RNF34: variants seen among roughly 807,000 people sequenced by gnomAD.
RNF34 encodes E3 ubiquitin-protein ligase RNF34.
In RNF34, 12 loss-of-function variants were observed where a neutral mutation model predicts 37.9. The ratio of observed to expected loss-of-function variants is 0.32; its 90% CI spans 0.20 to 0.51. The LOEUF is 0.51. Among genes scored for constraint, RNF34 ranks in the 20% least tolerant of loss-of-function variants. The pLI is 0.97. For missense variants in RNF34, 362 were observed against 472.7 expected (o/e 0.77, Z 2.17); for synonymous variants, 155 against 177.2 (o/e 0.87, Z 1.00).
In RNF34 at chr12:121,417,813, T is replaced by G; in HGVS notation, c.535T>G (p.Phe179Val). The G allele has an allele frequency of 6.2e-7, 1 of 1,614,142 alleles. No individual in the cohort carries two copies. Among genetic ancestry groups the G allele is most frequent in the Non-Finnish European group, 8.5e-7 (1 of 1,180,038 alleles). The change falls in exon 3 of 6, where the codon TTT becomes GTT. Residue 179 changes from phenylalanine to valine, a missense_variant. Phe to Val is a conservative substitution (Grantham distance 50, BLOSUM62 -1). Coordinates refer to ENST00000361234, the MANE Select transcript of RNF34 (RefSeq NM_025126.4). This position sits in a 1 kb window ranked among gnomAD's most constrained non-coding sequence, Gnocchi z 5.0. ...SQTSSFFTRS[F>V]FSNYTAPSAT... is the part of the protein sequence containing the mutation. ...GACTTCTAGCTTTTTTACACGTTCG[T>G]TTTTTTCAAACTATACAGCCCCCTC...
At chr12:121,403,193 G>A (rs1870162224) in intron 1 of RNF34, among the ~76,000 whole-genome samples, 1 of 152,086 alleles carries the variant, frequency 6.6e-6, no homozygotes, top group Non-Finnish European at 1.5e-5. Flanking sequence ...TCAGGAGGTT[G>A]AGACCATCCT....
At chr12:121,416,887 T>C (rs1161634337) in intron 2 of RNF34, among the ~76,000 whole-genome samples, 2 of 152,228 alleles carry the variant, frequency 1.3e-5, no homozygotes, top group African/African-American at 4.8e-5. Context: ...CTTTGATCTT[T>C]AGTTTAGTCT....
At position 121,424,265 on chromosome 12, in the gene RNF34, A is replaced by G. The variant is rs781837530; in HGVS notation, c.*689A>G. On this transcript the variant is annotated 3_prime_UTR_variant, in exon 6 of 6. Coordinates refer to ENST00000361234, the MANE Select transcript of RNF34 (RefSeq NM_025126.4). Reference sequence around the variant, plus strand: ...TTCCTTATTAATGTGTAATCAGTTTACATTGTTTTGTATAGTGAAGGTGTA... The same window carrying G: ...TTCCTTATTAATGTGTAATCAGTTTGCATTGTTTTGTATAGTGAAGGTGTA... 1 of 152,694 alleles carries G rather than the reference A, an allele frequency of 6.5e-6. No homozygotes were observed. Among genetic ancestry groups the G allele is most frequent in the Non-Finnish European group, 1.5e-5 (1 of 68,050 alleles). 9.5% of individuals were successfully genotyped at this position (152,694 alleles called of 1,614,324 possible).
chr12:121,408,141 A>T (rs941001976), intron 1 of RNF34, among the ~76,000 whole-genome samples: 9 of 152,096 alleles, frequency 5.9e-5, no homozygotes, highest in Non-Finnish European at 8.8e-5. Context: ...CCCCGTCTCT[A>T]AAAAAATAAA....
chr12:121,420,574 C>G lies in RNF34; in HGVS notation c.727-3C>G. 2 of 1,614,014 alleles carry G rather than the reference C, an allele frequency of 1.2e-6. No homozygotes were observed. The highest frequency in any genetic ancestry group is 1.7e-6 in the Non-Finnish European group (2 of 1,179,938). On this transcript the variant is annotated splice_polypyrimidine_tract_variant and splice_region_variant and intron_variant, in intron 4 of 5. Transcript: ENST00000361234. ...AGGGCTAATGGATGCTCTGTGGTTT[C>G]AGAACCCCGGGCTCTCCAAGGAGAG...
At chr12:121,403,628 C>T (rs1455678241) in intron 1 of RNF34, among the ~76,000 whole-genome samples, 4 of 152,042 alleles carry the variant, frequency 2.6e-5, no homozygotes, top group Non-Finnish European at 5.9e-5. Flanking sequence ...TTGAAACAAA[C>T]CCTGGACATA....
rs782679258 is a variant in RNF34 at position 121,423,492 on chromosome 12, C to G, written c.1035C>G (p.Thr345=). 6.2e-7 allele frequency: 1 copy of G among 1,614,128 alleles called. No individual in the cohort carries two copies. Among genetic ancestry groups the G allele is most frequent in the Non-Finnish European group, 8.5e-7 (1 of 1,179,964 alleles). Residue 345 remains threonine, a synonymous_variant, in exon 6 of 6, where the codon ACC becomes ACG. Transcript: ENST00000361234. This position sits in a 1 kb window ranked among gnomAD's most constrained non-coding sequence, Gnocchi z 4.3. The stretch of plus-strand genomic sequence containing the variant: ...TACTGGAGTGTGGGCACATGGTTAC[C>G]TGCACCAAGTGCGGCAAGCGCATGA... ...CVLLECGHMV[T]CTKCGKRMSE... is the part of the protein sequence containing the mutation.
chr12:121,420,636 T>C lies in RNF34; in HGVS notation c.786T>C (p.Asp262=). The change falls in exon 5 of 6, where the codon GAT becomes GAC. Residue 262 remains aspartate, a synonymous_variant. Transcript: ENST00000361234. Reference sequence around the variant, plus strand: ...CACTGTCTGACTTGTCAAGCCTTGATGATGTGGAAGGAATGAGCGTGCGCC... The same window carrying C: ...CACTGTCTGACTTGTCAAGCCTTGACGATGTGGAAGGAATGAGCGTGCGCC... ...RASLSDLSSL[D]DVEGMSVRQL... is the part of the protein sequence containing the mutation. 1 of 1,614,072 alleles carries C rather than the reference T, an allele frequency of 6.2e-7. No individual in the cohort carries two copies. The highest frequency in any genetic ancestry group is 8.5e-7 in the Non-Finnish European group (1 of 1,179,994).
At chr12:121,413,020 AT>A (rs77507303) in intron 1 of RNF34, among the ~76,000 whole-genome samples, 28,368 of 133,728 alleles carry the variant, frequency 0.21, 4,133 homozygotes, top group African/African-American at 0.44. Flanking sequence ...TGCCCAGGCT[AT>A]TTTTTTTTTC....
At chr12:121,404,450 G>A (rs1029239062) in intron 1 of RNF34, among the ~76,000 whole-genome samples, 7 of 128,882 alleles carry the variant, frequency 5.4e-5, no homozygotes, top group South Asian at 2.6e-4. Flanking sequence ...GCTGGAGTGC[G>A]GTGGCACCAT....
chr12:121,420,526 G>C (rs1555283124), intron 4 of RNF34, 51 bp from the exon 5 acceptor site: 1 of 1,593,450 alleles, frequency 6.3e-7, no homozygotes, highest in African/African-American at 1.3e-5. Flanking sequence ...TTTAGAGTGG[G>C]GAGGGTCTGG....
intron 1 of RNF34, among the ~76,000 whole-genome samples, chr12:121,410,490 T>C (rs576056549): frequency 8.0e-4 from 121 of 151,336 alleles, no homozygotes; most frequent in African/African-American, 2.8e-3. Context: ...TGAGCCGAGA[T>C]TGCGCCACTG....
intron 5 of RNF34, among the ~76,000 whole-genome samples, chr12:121,422,468 C>A (rs782023464): frequency 6.6e-6 from 1 of 152,260 alleles, no homozygotes; most frequent in African/African-American, 2.4e-5. Context: ...ATTGGCATAT[C>A]TGCCATCTCA....
chr12:121,407,552 A>G (rs1470646476), intron 1 of RNF34, among the ~76,000 whole-genome samples: 6 of 152,400 alleles, frequency 3.9e-5, no homozygotes, highest in South Asian at 2.1e-4. Context: ...CCCAAGGGCT[A>G]CGCCTAGTAT....
At chr12:121,413,338 C>T (rs530170124) in intron 1 of RNF34, among the ~76,000 whole-genome samples, 1 of 151,848 alleles carries the variant, frequency 6.6e-6, no homozygotes, top group Non-Finnish European at 1.5e-5. Flanking sequence ...GATTTTCATG[C>T]TTTTAAGCAC....
At chr12:121,412,230 CTTTTTT>C (rs560473770) in intron 1 of RNF34, among the ~76,000 whole-genome samples, 4 of 49,610 alleles carry the variant, frequency 8.1e-5, no homozygotes, top group Non-Finnish European at 1.5e-4. Context: ...CCCAACTAAT[CTTTTTT>C]TTTTTTTTTT....
intron 1 of RNF34, among the ~76,000 whole-genome samples, chr12:121,403,162 C>T (rs1028267405): frequency 6.6e-6 from 1 of 151,928 alleles, no homozygotes; most frequent in Non-Finnish European, 1.5e-5. Context: ...TTTGGGAGGC[C>T]GAGGCAGGCA....
chr12:121,412,230 C>CTTTTTT (rs560473770), intron 1 of RNF34, among the ~76,000 whole-genome samples: 1 of 49,610 alleles, frequency 2.0e-5, no homozygotes, highest in Non-Finnish European at 3.7e-5. Flanking sequence ...CCCAACTAAT[C>CTTTTTT]TTTTTTTTTT....
intron 5 of RNF34, among the ~76,000 whole-genome samples, chr12:121,422,420 C>T (rs1291028469): frequency 2.0e-5 from 3 of 152,196 alleles, no homozygotes; most frequent in Non-Finnish European, 4.4e-5. Flanking sequence ...GACCAAGGCC[C>T]ACTCTGATTT....
Sources: allele counts gnomAD v4.1 joint callset (sites outside exome capture counted in the v4.1 genomes callset), GRCh38; gene constraint gnomAD v4.1.1; non-coding constraint Gnocchi (gnomAD v3.1); transcripts MANE v1.5; gene names NCBI Gene and HGNC (gene_info 2026-07-23, HGNC 2026-07-21).